The following SRC variants were observed in gnomAD, a reference collection of about 807,000 sequenced individuals.
SRC encodes the protein proto-oncogene tyrosine-protein kinase Src.
In SRC, 13 loss-of-function variants were observed where a neutral mutation model predicts 62.9. The ratio of observed to expected loss-of-function variants is 0.21; its 90% CI spans 0.13 to 0.33. SRC has a LOEUF of 0.33. Ranked by LOEUF, SRC falls within the 10% of genes least tolerant of loss-of-function variation. The pLI, the probability that SRC is intolerant of heterozygous loss-of-function variation, is 1.00. For missense variants in SRC, 457 were observed against 737.3 expected, an observed-to-expected ratio of 0.62 and a Z score of 4.40; for synonymous variants, 302 against 317.5, an observed-to-expected ratio of 0.95 and a Z score of 0.52.
At position 37,368,518 on chromosome 20, in the gene SRC, C is replaced by CTTTTTTTTTTTTTTTTTTTTTT. The variant is rs1352624429; in HGVS notation, c.-173+3245_-173+3266dup. On this transcript the variant is annotated intron_variant, in intron 2 of 13. Transcript: ENST00000373578. ...GTCATAACATTTATGCCTATATTTT[C>CTTTTTTTTTTTTTTTTTTTTTT]TTTTTTTTTTTTTTTTTTTTTTTTT... Among the ~76,000 whole-genome samples, 62 of 73,920 alleles carry CTTTTTTTTTTTTTTTTTTTTTT rather than the reference C, an allele frequency of 8.4e-4. 5 individuals carry two copies. Among genetic ancestry groups the CTTTTTTTTTTTTTTTTTTTTTT allele is most frequent in the East Asian group, 1.4e-3 (3 of 2,136 alleles). The allele number at this position is 73,920 out of a possible 152,430, so 48.5% of individuals were successfully genotyped here. A position where few individuals can be genotyped will look rare whatever the true frequency, so the allele number is the denominator to read the frequency against.
rs59762476 is a variant in SRC, at chr20:37,384,677, A to G, written c.250+274A>G. Among the ~76,000 whole-genome samples the G allele has an allele frequency of 1, 151,895 of 151,920 alleles. 75,935 individuals are homozygous for G. Among genetic ancestry groups the G allele is most frequent in the Middle Eastern group, 1 (288 of 288 alleles). On this transcript the variant is annotated intron_variant, in intron 4 of 13. Transcript: ENST00000373578. The surrounding 1 kb of genome is among the most constrained non-coding windows in gnomAD (Gnocchi z 6.7). Reference sequence around the variant, plus strand: ...TGGACGCTTAAGCCCAAGAAGAAGAAGGGCGGCGCGGGACCGGGCCTGTTG... The same window carrying G: ...TGGACGCTTAAGCCCAAGAAGAAGAGGGGCGGCGCGGGACCGGGCCTGTTG...
chr20:37,405,214 G>A lies in SRC; in HGVS notation c.*1835G>A, dbSNP rs888778070. On this transcript the variant is annotated 3_prime_UTR_variant, in exon 14 of 14. Transcript: ENST00000373578. The stretch of plus-strand genomic sequence containing the variant: ...AACTGCCTAAGGCCCTTTGTGTAAG[G>A]TGTCTTAATACTGTCCTTTTTTTTT... 1.7e-5 allele frequency: 4 copies of A among 229,336 alleles called. No individual in the cohort carries two copies. The highest frequency in any genetic ancestry group is 9.0e-5 in the African/African-American group (4 of 44,586). 14.2% of individuals were successfully genotyped at this position (229,336 alleles called of 1,614,324 possible).
In SRC at chr20:37,379,803, G is replaced by A. The variant is rs189223429; in HGVS notation, c.-172-2816G>A. The stretch of plus-strand genomic sequence containing the variant: ...CCCAGCTACTTGGGAGGCTGAGGCA[G>A]GAGAACCGCTGGAACCCGGGAGGCG... On this transcript the variant is annotated intron_variant, in intron 2 of 13. Coordinates refer to ENST00000373578, the MANE Select transcript of SRC (RefSeq NM_198291.3). 6.1e-3 allele frequency among the ~76,000 whole-genome samples: 909 copies of A among 150,242 alleles called. 8 individuals are homozygous for A. Among genetic ancestry groups the A allele is most frequent in the African/African-American group, 0.017 (692 of 40,904 alleles).
chr20:37,403,649 C>T lies in SRC; in HGVS notation c.*270C>T. 1 of 504,118 alleles carries T rather than the reference C, an allele frequency of 2.0e-6. No individual in the cohort carries two copies. The highest frequency in any genetic ancestry group is 2.8e-5 in the South Asian group (1 of 36,358). 31.2% of individuals were successfully genotyped at this position (504,118 alleles called of 1,614,324 possible). On this transcript the variant is annotated 3_prime_UTR_variant, in exon 14 of 14. Coordinates refer to ENST00000373578, the MANE Select transcript of SRC (RefSeq NM_198291.3). The surrounding 1 kb of genome is among the most constrained non-coding windows in gnomAD (Gnocchi z 7.1). Reference sequence around the variant, plus strand: ...TCTCCCTGCACTCCCTCCTGGAGCTCTGTGGGTCTCTGGAAGAGGAACCAG... The same window carrying T: ...TCTCCCTGCACTCCCTCCTGGAGCTTTGTGGGTCTCTGGAAGAGGAACCAG...
rs2147050425 is a variant in SRC at position 37,384,312 on chromosome 20, CT to C, written c.161del (p.Phe54SerfsTer33). 1 of 1,469,368 alleles carries C rather than the reference CT, an allele frequency of 6.8e-7. No homozygotes were observed. 91.0% of individuals were successfully genotyped at this position (1,469,368 alleles called of 1,614,324 possible). ...ACGGCCACCGCGGCCCCAGCGCGGC[CT>C]TCGCCCCCGCGGCCGCCGAGCCCAA... ...ADGHRGPSAA[F>X]APAAAEPKLF... On this transcript the variant is annotated frameshift_variant, in exon 4 of 14. Coordinates refer to ENST00000373578, the MANE Select transcript of SRC (RefSeq NM_198291.3). LOFTEE classifies it high-confidence loss of function. This position sits in a 1 kb window ranked among gnomAD's most constrained non-coding sequence, Gnocchi z 6.7.
intron 2 of SRC, among the ~76,000 whole-genome samples, chr20:37,373,563 G>C (rs1228816254): frequency 6.6e-6 from 1 of 152,148 alleles, no homozygotes; most frequent in African/African-American, 2.4e-5. Context: ...CTCCTGCCTT[G>C]GCCCCCAAAG....
rs149305643 is a variant in SRC, at chr20:37,401,512, G to T, written c.1040-90G>T. ...AATCTGCTGTGCTGGTTAAAGCAAGGCCAGCCACCTGGGAGGATGGGTTTT... is the reference window on the plus strand; with the variant it reads ...AATCTGCTGTGCTGGTTAAAGCAAGTCCAGCCACCTGGGAGGATGGGTTTT... On this transcript the variant is annotated intron_variant, in intron 10 of 13. Transcript: ENST00000373578. 695 of 1,000,096 alleles carry T rather than the reference G, an allele frequency of 6.9e-4. 7 individuals carry two copies. The African/African-American group carries it at 9.7e-3, about 14-fold the overall frequency. The allele number at this position is 1,000,096 out of a possible 1,614,324, so 62.0% of individuals were successfully genotyped here. A position where few individuals can be genotyped will look rare whatever the true frequency, so the allele number is the denominator to read the frequency against.
At chr20:37,373,075 C>A (rs185766595) in intron 2 of SRC, among the ~76,000 whole-genome samples, 1 of 150,836 alleles carries the variant, frequency 6.6e-6, no homozygotes, top group East Asian at 1.9e-4. Flanking sequence ...CATATACACA[C>A]ATATATACAT....
intron 1 of SRC, among the ~76,000 whole-genome samples, chr20:37,348,266 T>A (rs1219547173): frequency 6.6e-6 from 1 of 152,198 alleles, no homozygotes; most frequent in Non-Finnish European, 1.5e-5. Flanking sequence ...GCCTGGTTCC[T>A]GCTTTTGCTT....
At chr20:37,371,209 G>C (rs1222121006) in intron 2 of SRC, among the ~76,000 whole-genome samples, 1 of 152,088 alleles carries the variant, frequency 6.6e-6, no homozygotes, top group South Asian at 2.1e-4. Flanking sequence ...GCCCAGGCTG[G>C]TCTTGAACTC....
intron 5 of SRC, among the ~76,000 whole-genome samples, chr20:37,393,482 C>T (rs989727932): frequency 6.6e-6 from 1 of 152,224 alleles, no homozygotes; most frequent in Non-Finnish European, 1.5e-5. Flanking sequence ...CCAGGAATCT[C>T]TTCTATTACA....
At chr20:37,366,928 A>T (rs191085287) in intron 2 of SRC, among the ~76,000 whole-genome samples, 53 of 152,170 alleles carry the variant, frequency 3.5e-4, no homozygotes, top group African/African-American at 1.1e-3. Flanking sequence ...TCCGTGTTTA[A>T]CTTTTTGAGG....
At chr20:37,373,212 A>C (rs748687804) in intron 2 of SRC, among the ~76,000 whole-genome samples, 7 of 146,532 alleles carry the variant, frequency 4.8e-5, no homozygotes, top group Non-Finnish European at 7.4e-5. Context: ...ATATCTACAC[A>C]CATGTACATA....
chr20:37,357,438 C>T (rs1351128746), intron 1 of SRC, among the ~76,000 whole-genome samples: 4 of 152,202 alleles, frequency 2.6e-5, no homozygotes, highest in African/African-American at 9.7e-5. Context: ...CATCCATGAT[C>T]AGGTACTCAC....
chr20:37,365,053 G>A (rs1043573610), intron 1 of SRC, among the ~76,000 whole-genome samples, 151 bp from the exon 2 acceptor site: 6 of 152,256 alleles, frequency 3.9e-5, no homozygotes, highest in Admixed American at 2.0e-4. Flanking sequence ...GTGCACTGCC[G>A]TGTCCATAGT....
intron 2 of SRC, among the ~76,000 whole-genome samples, chr20:37,369,356 G>A (rs2070126490): frequency 6.6e-6 from 1 of 152,068 alleles, no homozygotes; most frequent in Non-Finnish European, 1.5e-5. Flanking sequence ...CGGAGTATAA[G>A]TTTTATACTT....
intron 10 of SRC, 114 bp downstream of exon 10, chr20:37,400,408 G>C: frequency 4.2e-6 from 4 of 961,240 alleles, no homozygotes; most frequent in South Asian, 2.0e-5. Context: ...GAATGCAGTA[G>C]AGCCAAATTC....
Position 37,397,349 on chromosome 20 carries a change from C to T in SRC, c.704-350C>T, listed in dbSNP as rs1477814515. Among the ~76,000 whole-genome samples the T allele has an allele frequency of 6.6e-6, 1 of 152,236 alleles. No homozygotes were observed. Among genetic ancestry groups the T allele is most frequent in the Non-Finnish European group, 1.5e-5 (1 of 68,046 alleles). Reference sequence around the variant, plus strand: ...TGTTGCGCGAACAGCTCTCCAGTCACATTCACATCTGTGGTCCTGGGAGGT... The same window carrying T: ...TGTTGCGCGAACAGCTCTCCAGTCATATTCACATCTGTGGTCCTGGGAGGT... On this transcript the variant is annotated intron_variant, in intron 8 of 13. Transcript: ENST00000373578. The surrounding 1 kb of genome is among the most constrained non-coding windows in gnomAD (Gnocchi z 4.1).
chr20:37,401,926 A>G, intron 11 of SRC: 1 of 446,348 alleles, frequency 2.2e-6, no homozygotes, highest in Non-Finnish European at 3.9e-6. Context: ...CTCGGGCCTC[A>G]GTTGTCGTCT....
Sources: allele counts gnomAD v4.1 joint callset (sites outside exome capture counted in the v4.1 genomes callset), GRCh38; gene constraint gnomAD v4.1.1; non-coding constraint Gnocchi (gnomAD v3.1); transcripts MANE v1.5; gene names NCBI Gene and HGNC (gene_info 2026-07-23, HGNC 2026-07-21).